ANXA8: variants seen among roughly 807,000 people sequenced by gnomAD.
ANXA8 encodes the protein annexin A8.
In ANXA8, 9 loss-of-function variants were observed where a neutral mutation model predicts 26.8. The observed-to-expected ratio is 0.34, with a 90% CI of 0.20 to 0.59. The LOEUF (loss-of-function observed/expected upper bound fraction) is 0.59, where lower values mean the gene tolerates loss of function less well. Among genes scored for constraint, ANXA8 ranks in the 20% least tolerant of loss-of-function variants. The probability of loss-of-function intolerance (pLI) is 0.84; values close to 1 mark genes in which losing one functional copy is unlikely to be tolerated. For synonymous variants in ANXA8, 39 were observed against 94.8 expected (o/e 0.41, Z 3.42); for missense variants, 83 against 238.5 (o/e 0.35, Z 4.29).
At chr10:47,496,470 TAATTA>T in the ANXA8 span, among the ~76,000 whole-genome samples, 2 of 147,122 alleles carry the variant, frequency 1.4e-5, no homozygotes, top group African/African-American at 2.7e-5. Context: ...TTTATTAATT[TAATTA>T]AATACATTTA....
At chr10:47,697,221 T>C in the ANXA8 span, among the ~76,000 whole-genome samples, 1 of 152,250 alleles carries the variant, frequency 6.6e-6, no homozygotes, top group African/African-American at 2.4e-5. Context: ...TCTTTGTCTT[T>C]AGGCAAGTTA....
the ANXA8 span, among the ~76,000 whole-genome samples, chr10:47,977,995 C>T: frequency 1.3e-5 from 2 of 151,092 alleles, no homozygotes; most frequent in East Asian, 2.0e-4. Context: ...GAAATCCATA[C>T]CTAGATACAT....
chr10:47,658,886 A>ATTTATTTATTTT, the ANXA8 span, among the ~76,000 whole-genome samples: 1 of 142,856 alleles, frequency 7.0e-6, no homozygotes, highest in African/African-American at 2.9e-5. Flanking sequence ...TTATTTATTT[A>ATTTATTTATTTT]TTTGAGACAG....
the ANXA8 span, among the ~76,000 whole-genome samples, chr10:47,527,644 G>GGCT: frequency 7.0e-6 from 1 of 141,850 alleles, no homozygotes; most frequent in Middle Eastern, 3.6e-3. Flanking sequence ...GCAACTTAGT[G>GGCT]ATTGGGCTTG....
chr10:47,469,719 A>G (rs1839258871), intron 11 of ANXA8, among the ~76,000 whole-genome samples: 3 of 151,404 alleles, frequency 2.0e-5, no homozygotes, highest in African/African-American at 7.3e-5. Context: ...ATTCATTCAC[A>G]ACGGCATGGT....
chr10:47,596,072 C>T, the ANXA8 span, among the ~76,000 whole-genome samples: 28 of 132,840 alleles, frequency 2.1e-4, 1 homozygote, highest in Admixed American at 5.2e-4. Flanking sequence ...CTTCTTGGAC[C>T]GCAGTAGAAT....
At chr10:47,645,991 G>A in the ANXA8 span, among the ~76,000 whole-genome samples, 2 of 148,864 alleles carry the variant, frequency 1.3e-5, no homozygotes, top group Non-Finnish European at 2.9e-5. Context: ...TCTCAGTCTC[G>A]ACATCCTTGT....
chr10:47,684,877 C>A, the ANXA8 span, among the ~76,000 whole-genome samples: 1 of 149,804 alleles, frequency 6.7e-6, no homozygotes. Flanking sequence ...TGAGCCACCG[C>A]GCCCAGCCTG....
At chr10:47,497,953 A>C in the ANXA8 span, among the ~76,000 whole-genome samples, 7 of 152,026 alleles carry the variant, frequency 4.6e-5, no homozygotes, top group African/African-American at 7.3e-5. Flanking sequence ...TATAATGAAA[A>C]AATAATAATT....
chr10:47,743,277 T>TATATAC, the ANXA8 span, among the ~76,000 whole-genome samples: 1 of 92,268 alleles, frequency 1.1e-5, no homozygotes, highest in African/African-American at 3.7e-5. Context: ...TATATATATA[T>TATATAC]ACACACATAT....
the ANXA8 span, among the ~76,000 whole-genome samples, chr10:47,507,799 G>A: frequency 9.4e-6 from 1 of 106,924 alleles, no homozygotes; most frequent in African/African-American, 3.6e-5. Context: ...TAGAAGACGC[G>A]TTTCTGTTGG....
chr10:47,763,802 G>C, the ANXA8 span, among the ~76,000 whole-genome samples: 3 of 148,520 alleles, frequency 2.0e-5, no homozygotes, highest in African/African-American at 7.4e-5. Flanking sequence ...GGGGGGGGAG[G>C]GGGTGGTTGT....
chr10:47,948,997 TTTTTA>T, the ANXA8 span, among the ~76,000 whole-genome samples: 1 of 139,958 alleles, frequency 7.1e-6, no homozygotes, highest in Admixed American at 7.3e-5. Context: ...AAGTATCAGC[TTTTTA>T]TGAGTCTTGA....
the ANXA8 span, among the ~76,000 whole-genome samples, chr10:47,896,103 C>A: frequency 6.6e-6 from 1 of 150,806 alleles, no homozygotes; most frequent in Non-Finnish European, 1.5e-5. Context: ...TACGAAGCCA[C>A]ATTTGTTCAT....
chr10:47,928,895 C>G, the ANXA8 span, among the ~76,000 whole-genome samples: 1 of 105,980 alleles, frequency 9.4e-6, no homozygotes, highest in South Asian at 3.7e-4. Context: ...GCTAGCACCA[C>G]AGGTGCATAC....
the ANXA8 span, among the ~76,000 whole-genome samples, chr10:47,946,223 C>A: frequency 2.0e-5 from 3 of 148,598 alleles, no homozygotes; most frequent in Non-Finnish European, 3.0e-5. Flanking sequence ...ACATTCAGTT[C>A]AAATATCATA....
chr10:47,561,611 T>G, the ANXA8 span, among the ~76,000 whole-genome samples: 1 of 151,856 alleles, frequency 6.6e-6, no homozygotes, highest in African/African-American at 2.4e-5. Context: ...TATGTCAAAA[T>G]TTTTTGTGGC....
At chr10:47,744,753 A>G in the ANXA8 span, among the ~76,000 whole-genome samples, 1 of 151,648 alleles carries the variant, frequency 6.6e-6, no homozygotes. Context: ...CTTGTTTTCT[A>G]TTTACCAATT....
the ANXA8 span, among the ~76,000 whole-genome samples, chr10:47,636,483 G>A: frequency 1.4e-5 from 2 of 145,306 alleles, no homozygotes; most frequent in Non-Finnish European, 3.0e-5. Flanking sequence ...GTGTTTTGCT[G>A]TTGTTCCTGT....
Sources: gnomAD v4.1 joint callset for allele counts (sites outside exome capture counted in the v4.1 genomes callset) on GRCh38, gnomAD v4.1.1 for gene constraint, MANE v1.5 for transcripts, NCBI Gene and HGNC (gene_info 2026-07-23, HGNC 2026-07-21) for gene names.